Variants in NBAS observed in about 807,000 individuals in gnomAD.
The protein encoded by NBAS is NBAS subunit of NRZ tethering complex.
A neutral mutation model predicts 302.5 loss-of-function variants in NBAS; 219 were observed. The ratio of observed to expected loss-of-function variants is 0.72; its 90% confidence interval spans 0.65 to 0.81. The LOEUF (loss-of-function observed/expected upper bound fraction) is 0.81, where lower values mean the gene tolerates loss of function less well. Among genes scored for constraint, NBAS ranks in the 30% least tolerant of loss-of-function variants. NBAS has a pLI of 0.00. For missense variants in NBAS, 2,932 were observed against 2,841.6 expected (o/e 1.03, Z -0.72); for synonymous variants, 1,118 against 1,021.6 (o/e 1.09, Z -1.80).
At chr2:15,268,191 A>C (rs1237431287) in intron 44 of NBAS, among the ~76,000 whole-genome samples, 2 of 152,074 alleles carry the variant, frequency 1.3e-5, no homozygotes, top group Admixed American at 6.5e-5. Context: ...AGTACTCTTC[A>C]CTCTCCCATT....
chr2:15,369,365 C>A (rs755097461), intron 31 of NBAS, among the ~76,000 whole-genome samples: 19 of 152,170 alleles, frequency 1.2e-4, no homozygotes, highest in Non-Finnish European at 1.0e-4. Flanking sequence ...TTTCTCTAAA[C>A]TTCCATTTAA....
At chr2:15,439,033 T>C (rs6431702) in intron 21 of NBAS, among the ~76,000 whole-genome samples, 147,108 of 152,250 alleles carry the variant, frequency 0.97, 71,093 homozygotes, top group East Asian at 1. Context: ...CGGTGGCTCA[T>C]GCCTGTAATC....
At chr2:15,147,539 C>A in the NBAS span, among the ~76,000 whole-genome samples, 2 of 152,000 alleles carry the variant, frequency 1.3e-5, no homozygotes, top group Non-Finnish European at 2.9e-5. Flanking sequence ...TTGCTGTGAG[C>A]CAAGATCGCA....
At chr2:15,356,829 C>T (rs990041694) in intron 32 of NBAS, among the ~76,000 whole-genome samples, 1 of 152,178 alleles carries the variant, frequency 6.6e-6, no homozygotes, top group Non-Finnish European at 1.5e-5. Flanking sequence ...CAATAAACTT[C>T]TCATCATAAA....
chr2:14,780,146 A>G, the NBAS span, among the ~76,000 whole-genome samples: 1 of 152,190 alleles, frequency 6.6e-6, no homozygotes, highest in Non-Finnish European at 1.5e-5. Context: ...CTCCCCAAAC[A>G]TCAGACACTT....
At chr2:14,989,693 TAA>T in the NBAS span, among the ~76,000 whole-genome samples, 10 of 152,150 alleles carry the variant, frequency 6.6e-5, no homozygotes, top group Admixed American at 2.6e-4. Flanking sequence ...GAGACAAACT[TAA>T]ATTCAGAAAA....
At chr2:15,250,870 A>G (rs1338995122) in intron 44 of NBAS, among the ~76,000 whole-genome samples, 3 of 152,242 alleles carry the variant, frequency 2.0e-5, no homozygotes, top group Non-Finnish European at 2.9e-5. Context: ...GGGAGTGTAA[A>G]TTAGTTCGAC....
chr2:15,203,882 G>GTGTGCC (rs1553340929), intron 48 of NBAS, among the ~76,000 whole-genome samples: 1 of 124,860 alleles, frequency 8.0e-6, no homozygotes, highest in South Asian at 2.5e-4. Context: ...GTGTGTGTGT[G>GTGTGCC]TGTGTGCTTG....
At chr2:15,105,020 T>C in the NBAS span, among the ~76,000 whole-genome samples, 1 of 151,994 alleles carries the variant, frequency 6.6e-6, no homozygotes, top group East Asian at 1.9e-4. Context: ...TGTCCATCAA[T>C]GACAGACTGG....
At chr2:15,091,712 T>G in the NBAS span, among the ~76,000 whole-genome samples, 1 of 152,112 alleles carries the variant, frequency 6.6e-6, no homozygotes, top group Non-Finnish European at 1.5e-5. Flanking sequence ...TTTGTATTTT[T>G]AGGAGAGATG....
At chr2:15,376,407 T>C (rs1281232758) in intron 30 of NBAS, among the ~76,000 whole-genome samples, 2 of 152,154 alleles carry the variant, frequency 1.3e-5, no homozygotes, top group Non-Finnish European at 2.9e-5. Flanking sequence ...CCAAAAAGAT[T>C]GAGGTGAAAT....
At chr2:15,447,076 C>A (rs1373729085) in intron 21 of NBAS, among the ~76,000 whole-genome samples, 5 of 152,082 alleles carry the variant, frequency 3.3e-5, no homozygotes, top group Admixed American at 3.3e-4. Context: ...ATACCAAATG[C>A]CAACACACGG....
the NBAS span, among the ~76,000 whole-genome samples, chr2:15,058,026 A>G: frequency 6.6e-6 from 1 of 152,244 alleles, no homozygotes; most frequent in Non-Finnish European, 1.5e-5. Context: ...GCTATGGAAA[A>G]TAGTGTGGAG....
intron 7 of NBAS, among the ~76,000 whole-genome samples, chr2:15,538,804 A>G (rs930031572): frequency 1.2e-4 from 18 of 152,236 alleles, no homozygotes; most frequent in African/African-American, 4.3e-4. Flanking sequence ...TATCAAAGGC[A>G]TTAATAAAGA....
chr2:15,239,065 TG>T (rs1435749366), intron 44 of NBAS, among the ~76,000 whole-genome samples: 2 of 152,116 alleles, frequency 1.3e-5, no homozygotes, highest in Non-Finnish European at 2.9e-5. Context: ...AGATTTTAAC[TG>T]GAATAAGACT....
chr2:14,823,207 A>AT, the NBAS span, among the ~76,000 whole-genome samples: 2 of 152,216 alleles, frequency 1.3e-5, no homozygotes, highest in Non-Finnish European at 2.9e-5. Flanking sequence ...TAGCCAATCC[A>AT]TTTTTTGTAC....
the NBAS span, among the ~76,000 whole-genome samples, chr2:14,932,416 G>A: frequency 6.6e-6 from 1 of 152,182 alleles, no homozygotes; most frequent in East Asian, 1.9e-4. Context: ...TTTAACTATT[G>A]TTCTGTTTTC....
intron 23 of NBAS, among the ~76,000 whole-genome samples, chr2:15,420,982 A>T (rs1196981854): frequency 6.6e-6 from 1 of 152,052 alleles, no homozygotes; most frequent in Non-Finnish European, 1.5e-5. Flanking sequence ...CCAAATAAAT[A>T]TAAGGGGGGA....
At chr2:15,468,850 G>A (rs928047993) in intron 16 of NBAS, among the ~76,000 whole-genome samples, 1 of 152,264 alleles carries the variant, frequency 6.6e-6, no homozygotes, top group East Asian at 1.9e-4. Context: ...GGTTTGCACC[G>A]TGGCTGTATA....
Sources: gnomAD v4.1 joint callset for allele counts (sites outside exome capture counted in the v4.1 genomes callset) on GRCh38, gnomAD v4.1.1 for gene constraint, MANE v1.5 for transcripts, NCBI Gene and HGNC (gene_info 2026-07-23, HGNC 2026-07-21) for gene names.